NUDT19: variants seen among roughly 807,000 people sequenced by gnomAD.
NUDT19 encodes the protein acyl-coenzyme A diphosphatase NUDT19.
Under a neutral mutation model 22.2 loss-of-function variants are expected in NUDT19, and 31 were observed. The observed-to-expected ratio is 1.40, with a 90% confidence interval of 1.05 to 1.89. The LOEUF (loss-of-function observed/expected upper bound fraction) is 1.89. NUDT19 is among the 40% of genes most tolerant of loss of function. NUDT19 has a pLI of 0.00. For missense variants in NUDT19, 752 were observed against 514.2 expected (o/e 1.46, Z -4.47); for synonymous variants, 325 against 230.8 (o/e 1.41, Z -3.70).
chr19:32,692,638 C>A lies in NUDT19; in HGVS notation c.678C>A (p.Pro226=). The stretch of plus-strand genomic sequence containing the variant: ...TGTGCTGCCTGCGCGAGCCGCCGCC[C>A]GTCTACCCCGACTTGGCGGAGGTGG... The part of the protein sequence containing the change: ...FFLCCLREPP[P]VYPDLAEVVG... Residue 226 remains proline, a synonymous_variant, in exon 1 of 3, where the codon CCC becomes CCA. Coordinates refer to ENST00000397061, the MANE Select transcript of NUDT19 (RefSeq NM_001105570.2). 1.3e-6 allele frequency: 2 copies of A among 1,526,886 alleles called. No homozygotes were observed. The highest frequency in any genetic ancestry group is 1.8e-6 in the Non-Finnish European group (2 of 1,142,336). The allele number at this position is 1,526,886 out of a possible 1,614,324, so 94.6% of individuals were successfully genotyped here.
intron 1 of NUDT19, among the ~76,000 whole-genome samples, chr19:32,700,783 C>T (rs897166927): frequency 2.6e-5 from 4 of 152,036 alleles, no homozygotes; most frequent in Non-Finnish European, 5.9e-5. Context: ...TACCTATAAT[C>T]TCAGCATTTT....
intron 1 of NUDT19, among the ~76,000 whole-genome samples, chr19:32,702,637 C>T (rs548408564): frequency 1.3e-5 from 2 of 152,124 alleles, no homozygotes; most frequent in African/African-American, 4.8e-5. Flanking sequence ...GTGTTTCTTG[C>T]AGGCAGCATA....
intron 1 of NUDT19, among the ~76,000 whole-genome samples, chr19:32,705,930 G>A (rs976161372): frequency 6.6e-6 from 1 of 152,060 alleles, no homozygotes; most frequent in Admixed American, 6.6e-5. Flanking sequence ...GTCTACTTGA[G>A]TGCTGCTTGT....
intron 1 of NUDT19, among the ~76,000 whole-genome samples, chr19:32,707,784 C>T (rs1968402231): frequency 6.6e-6 from 1 of 151,972 alleles, no homozygotes; most frequent in South Asian, 2.1e-4. Flanking sequence ...CGAGACCATC[C>T]TGGTGAACAC....
intron 1 of NUDT19, among the ~76,000 whole-genome samples, chr19:32,708,293 G>C (rs1211950907): frequency 6.6e-6 from 1 of 151,594 alleles, no homozygotes; most frequent in Non-Finnish European, 1.5e-5. Flanking sequence ...CGGGTGTGGT[G>C]GTGGGCGCCT....
At chr19:32,699,881 G>A (rs1221456697) in intron 1 of NUDT19, among the ~76,000 whole-genome samples, 2 of 152,142 alleles carry the variant, frequency 1.3e-5, no homozygotes, top group Non-Finnish European at 2.9e-5. Flanking sequence ...TCTTTCGTTG[G>A]GTTCGTGGTC....
chr19:32,693,849 C>T (rs1365863628), intron 1 of NUDT19, among the ~76,000 whole-genome samples: 1 of 152,176 alleles, frequency 6.6e-6, no homozygotes, highest in Non-Finnish European at 1.5e-5. Context: ...GGGGCTTCAC[C>T]TCTCAATCCC....
Position 32,709,416 on chromosome 19 carries a change from T to G in NUDT19, c.922+24T>G, listed in dbSNP as rs115646671. On this transcript the variant is annotated intron_variant, in intron 2 of 2. Coordinates refer to ENST00000397061, the MANE Select transcript of NUDT19 (RefSeq NM_001105570.2). The stretch of plus-strand genomic sequence containing the variant: ...AGGTAAACCAGTGAAGCATCGGTGC[T>G]TTTGTTAGTATTCACATTCAGTGCC... The G allele has an allele frequency of 8.9e-5, 142 of 1,598,004 alleles. No homozygotes were observed. In the African/African-American group the frequency reaches 1.8e-3, roughly 20 times the overall value.
At chr19:32,710,517 A>G (rs1968435557) in intron 2 of NUDT19, among the ~76,000 whole-genome samples, 1 of 151,218 alleles carries the variant, frequency 6.6e-6, no homozygotes, top group Non-Finnish European at 1.5e-5. Context: ...ACTTGAACCC[A>G]GGAGGTAGAG....
intron 1 of NUDT19, 87 bp downstream of exon 1, chr19:32,692,761 C>G (rs1198527521): frequency 9.9e-7 from 1 of 1,011,294 alleles, no homozygotes; most frequent in Non-Finnish European, 1.4e-6. Context: ...AAGGGACCCC[C>G]GCATAGGCCA....
Position 32,707,913 on chromosome 19 carries a change from GCTTGCAGT to G in NUDT19, c.715-1271_715-1264del, listed in dbSNP as rs750659838. ...GAATGGCATGAACCCAGGAGGCAGA[GCTTGCAGT>G]GAGCTGAGATCACACCACTGCAGTC... is the stretch of plus-strand genomic sequence containing the variant. On this transcript the variant is annotated intron_variant, in intron 1 of 2. Transcript: ENST00000397061. 1.1e-3 allele frequency among the ~76,000 whole-genome samples: 162 copies of G among 151,592 alleles called. 1 individual carries two copies. The highest frequency in any genetic ancestry group is 2.0e-3 in the Non-Finnish European group (133 of 67,916).
Position 32,711,850 on chromosome 19 carries a change from CG to C in NUDT19, c.1023del (p.Ile342Ter), listed in dbSNP as rs1568435816. 3 of 1,613,184 alleles carry C rather than the reference CG, an allele frequency of 1.9e-6. No individual in the cohort carries two copies. The highest frequency in any genetic ancestry group is 2.5e-6 in the Non-Finnish European group (3 of 1,179,370). On this transcript the variant is annotated frameshift_variant, in exon 3 of 3. Coordinates refer to ENST00000397061, the MANE Select transcript of NUDT19 (RefSeq NM_001105570.2). LOFTEE classifies it low-confidence loss of function (END_TRUNC). ...EIMKEGKQFH[R>X]IVTYHRHLYD... The stretch of plus-strand genomic sequence containing the variant: ...CATGAAGGAAGGCAAGCAGTTTCAC[CG>C]GATAGTGACATACCATCGCCACCTT...
chr19:32,692,740 C>T, intron 1 of NUDT19, 66 bp downstream of exon 1: 4 of 1,280,312 alleles, frequency 3.1e-6, no homozygotes, highest in Non-Finnish European at 4.1e-6. Context: ...CTCCCAGCGG[C>T]CCAGGCCCCC....
intron 1 of NUDT19, among the ~76,000 whole-genome samples, chr19:32,694,345 T>C (rs1324038684): frequency 6.6e-6 from 1 of 152,220 alleles, no homozygotes; most frequent in African/African-American, 2.4e-5. Flanking sequence ...AGTCCTCCTT[T>C]CTCAGCAGTG....
chr19:32,711,430 TCTAGC>T (rs1478718412), intron 2 of NUDT19, among the ~76,000 whole-genome samples: 2 of 152,122 alleles, frequency 1.3e-5, no homozygotes, highest in African/African-American at 4.8e-5. Context: ...GCCACTGCAC[TCTAGC>T]CTGGGCAACA....
intron 2 of NUDT19, 148 bp downstream of exon 2, chr19:32,709,540 A>C (rs1968424069): frequency 1.6e-6 from 1 of 639,654 alleles, no homozygotes; most frequent in Admixed American, 2.8e-5. Context: ...AAGCCTATAA[A>C]ATATCCATAT....
At chr19:32,711,444 C>G (rs1224177112) in intron 2 of NUDT19, among the ~76,000 whole-genome samples, 1 of 151,954 alleles carries the variant, frequency 6.6e-6, no homozygotes, top group African/African-American at 2.4e-5. Context: ...GCCTGGGCAA[C>G]AGAGTGAGAC....
At chr19:32,711,104 C>A (rs938951260) in intron 2 of NUDT19, among the ~76,000 whole-genome samples, 22 of 152,090 alleles carry the variant, frequency 1.4e-4, no homozygotes, top group African/African-American at 5.3e-4. Flanking sequence ...TGGAAACATA[C>A]CAGTCACAGA....
chr19:32,693,023 T>A (rs1968219437), intron 1 of NUDT19, among the ~76,000 whole-genome samples: 1 of 152,210 alleles, frequency 6.6e-6, no homozygotes, highest in Non-Finnish European at 1.5e-5. Flanking sequence ...TATGATCCAG[T>A]CTTCCTATTT....
Sources: gnomAD v4.1 joint callset for allele counts (sites outside exome capture counted in the v4.1 genomes callset) on GRCh38, gnomAD v4.1.1 for gene constraint, MANE v1.5 for transcripts, NCBI Gene and HGNC (gene_info 2026-07-23, HGNC 2026-07-21) for gene names.